ROBO2: variants seen among roughly 807,000 people sequenced by gnomAD.
The protein encoded by ROBO2 is roundabout guidance receptor 2, also known as roundabout homolog 2.
Under a neutral mutation model 160.8 loss-of-function variants are expected in ROBO2, and 53 were observed. That is an observed-to-expected ratio of 0.33 (90% CI 0.26 to 0.41). The LOEUF (loss-of-function observed/expected upper bound fraction) is 0.41, where lower values mean the gene tolerates loss of function less well. Among genes scored for constraint, ROBO2 ranks in the 10% least tolerant of loss-of-function variants. ROBO2 has a pLI of 1.00. For missense variants in ROBO2, 1,577 were observed against 1,722.4 expected, an observed-to-expected ratio of 0.92 and a Z score of 1.49; for synonymous variants, 664 against 611.7, an observed-to-expected ratio of 1.09 and a Z score of -1.26.
At chr3:76,671,976 T>G (rs2092278035) in intron 2 of ROBO2, among the ~76,000 whole-genome samples, 1 of 152,122 alleles carries the variant, frequency 6.6e-6, no homozygotes. Context: ...GTGAATAAAC[T>G]ATGGTTTCTG....
chr3:76,449,641 T>C (rs1245678948), intron 2 of ROBO2, among the ~76,000 whole-genome samples: 2 of 152,168 alleles, frequency 1.3e-5, no homozygotes, highest in African/African-American at 4.8e-5. Context: ...CAAAAATCAG[T>C]TGTTTGTTCC....
intron 2 of ROBO2, among the ~76,000 whole-genome samples, chr3:76,141,115 TG>T (rs2071627875): frequency 2.6e-5 from 1 of 37,954 alleles, no homozygotes; most frequent in African/African-American, 9.7e-5. Flanking sequence ...TGAGCTACCA[TG>T]CTCTCTCTCT....
intron 2 of ROBO2, among the ~76,000 whole-genome samples, chr3:76,782,922 T>G (rs1032058009): frequency 4.0e-5 from 6 of 150,746 alleles, no homozygotes; most frequent in African/African-American, 1.5e-4. Flanking sequence ...AGTTTTGGGG[T>G]TTTTCTTTTT....
chr3:76,126,338 A>G (rs1052058616), intron 2 of ROBO2, among the ~76,000 whole-genome samples: 3 of 152,166 alleles, frequency 2.0e-5, no homozygotes, highest in African/African-American at 7.2e-5. Flanking sequence ...GCTGAAATGT[A>G]TAAGCTTATA....
chr3:75,914,282 A>G (rs1471580312), intron 1 of ROBO2, among the ~76,000 whole-genome samples: 2 of 152,166 alleles, frequency 1.3e-5, no homozygotes, highest in African/African-American at 4.8e-5. Flanking sequence ...AAAACAATAA[A>G]TTTTATAATC....
intron 2 of ROBO2, among the ~76,000 whole-genome samples, chr3:76,377,163 C>G (rs1421913907): frequency 1.3e-5 from 2 of 151,988 alleles, no homozygotes; most frequent in African/African-American, 4.8e-5. Context: ...AGATTTATAT[C>G]TATGGAATTA....
At chr3:77,183,981 C>G (rs2081047529) in intron 2 of ROBO2, among the ~76,000 whole-genome samples, 1 of 152,016 alleles carries the variant, frequency 6.6e-6, no homozygotes, top group African/African-American at 2.4e-5. Flanking sequence ...TGCATATGAG[C>G]TTAGTATCTT....
intron 2 of ROBO2, among the ~76,000 whole-genome samples, chr3:76,100,087 G>T (rs1239575060): frequency 2.0e-5 from 3 of 152,134 alleles, no homozygotes. Flanking sequence ...ACATTAAGAA[G>T]ATCGACTAGA....
chr3:76,569,069 C>T (rs1667285703), intron 2 of ROBO2, among the ~76,000 whole-genome samples: 1 of 151,938 alleles, frequency 6.6e-6, no homozygotes, highest in African/African-American at 2.4e-5. Flanking sequence ...TATTATGGGC[C>T]TTTTGAAGAT....
intron 2 of ROBO2, among the ~76,000 whole-genome samples, chr3:76,471,521 CTG>C (rs1282862274): frequency 2.0e-5 from 3 of 152,118 alleles, no homozygotes; most frequent in Non-Finnish European, 4.4e-5. Context: ...AAACTGAAGA[CTG>C]TGATTCTTCA....
intron 2 of ROBO2, among the ~76,000 whole-genome samples, chr3:77,461,371 A>C (rs1473685075): frequency 6.6e-6 from 1 of 152,048 alleles, no homozygotes; most frequent in African/African-American, 2.4e-5. Flanking sequence ...AGGATTAGAC[A>C]AAATTGAATT....
chr3:77,642,329 G>T (rs1217822624), intron 24 of ROBO2, among the ~76,000 whole-genome samples: 3 of 152,050 alleles, frequency 2.0e-5, no homozygotes, highest in African/African-American at 4.8e-5. Context: ...TTGTGTCATG[G>T]TATTTCTACT....
intron 6 of ROBO2, among the ~76,000 whole-genome samples, chr3:77,534,441 C>A (rs2091957973): frequency 6.6e-6 from 1 of 151,896 alleles, no homozygotes; most frequent in Non-Finnish European, 1.5e-5. Flanking sequence ...CTGGCTGTGT[C>A]CAGAAAAAAA....
At chr3:76,758,687 GATCT>G (rs1425280377) in intron 2 of ROBO2, among the ~76,000 whole-genome samples, 2 of 151,776 alleles carry the variant, frequency 1.3e-5, no homozygotes, top group East Asian at 3.9e-4. Context: ...GATCAAAGGT[GATCT>G]ACAAACATAT....
chr3:76,584,333 C>T (rs2085895083), intron 2 of ROBO2, among the ~76,000 whole-genome samples: 1 of 151,836 alleles, frequency 6.6e-6, no homozygotes, highest in African/African-American at 2.4e-5. Context: ...TGATTCCCCC[C>T]CAGAATCATA....
chr3:76,304,726 TTC>T (rs1475508238), intron 2 of ROBO2, among the ~76,000 whole-genome samples: 1 of 39,542 alleles, frequency 2.5e-5, no homozygotes, highest in African/African-American at 4.1e-5. Flanking sequence ...CTTTCTTTCT[TTC>T]TTTCTTTTCT....
intron 2 of ROBO2, among the ~76,000 whole-genome samples, chr3:77,348,835 C>T (rs76500790): frequency 0.029 from 4,350 of 152,194 alleles, 230 homozygotes; most frequent in African/African-American, 0.098. Flanking sequence ...GGGCTAAGTC[C>T]TCATTATCTT....
At chr3:76,484,451 T>C (rs556695247) in intron 2 of ROBO2, among the ~76,000 whole-genome samples, 68 of 152,246 alleles carry the variant, frequency 4.5e-4, no homozygotes, top group Non-Finnish European at 8.2e-4. Flanking sequence ...TTAAACTCAG[T>C]GAGTCCACAG....
At chr3:77,294,883 T>C (rs535297045) in intron 2 of ROBO2, among the ~76,000 whole-genome samples, 2 of 148,818 alleles carry the variant, frequency 1.3e-5, no homozygotes, top group African/African-American at 5.0e-5. Context: ...TAAAGTAAAA[T>C]TGACAGTTAA....
Sources: allele counts gnomAD v4.1 joint callset (sites outside exome capture counted in the v4.1 genomes callset), GRCh38; gene constraint gnomAD v4.1.1; transcripts MANE v1.5; gene names NCBI Gene and HGNC (gene_info 2026-07-23, HGNC 2026-07-21).